Variants in LARS1 observed in about 807,000 individuals in gnomAD.
LARS1 encodes leucyl-tRNA synthetase 1.
In LARS1, 100 loss-of-function variants were observed where a neutral mutation model predicts 162.8. That is an observed-to-expected ratio of 0.61 (90% CI 0.52 to 0.73). The LOEUF (loss-of-function observed/expected upper bound fraction) is 0.73. LARS1 is among the 30% of genes least tolerant of loss of function. LARS1 has a pLI of 0.00. For synonymous variants in LARS1, 457 were observed against 462.8 expected (o/e 0.99, Z 0.16); for missense variants, 1,258 against 1,408.9 (o/e 0.89, Z 1.71).
At chr5:146,139,867 C>T (rs1338514414) in intron 21 of LARS1, among the ~76,000 whole-genome samples, 7 of 88,824 alleles carry the variant, frequency 7.9e-5, no homozygotes, top group African/African-American at 2.9e-4. Flanking sequence ...AGCGAGACTC[C>T]GTCTCAAAAA....
chr5:146,160,663 T>A (rs772911168), intron 6 of LARS1, among the ~76,000 whole-genome samples, 177 bp from the exon 7 acceptor site: 1 of 146,414 alleles, frequency 6.8e-6, no homozygotes, highest in African/African-American at 2.4e-5. Context: ...TTACTTAAAG[T>A]ATATTTTTAA....
intron 27 of LARS1, 118 bp from the exon 28 acceptor site, chr5:146,126,663 A>G (rs956171814): frequency 4.6e-6 from 3 of 646,998 alleles, no homozygotes; most frequent in African/African-American, 1.8e-5. Flanking sequence ...GAACAGCAGA[A>G]AAGTGTCCAG....
Position 146,151,963 on chromosome 5 carries a change from C to A in LARS1, c.1324G>T (p.Ala442Ser), listed in dbSNP as rs771197433. ...TTCAACTCATCACAAATGGTTACAG[C>A]AGAAAGATTTCCAAAACCTGGGATT... ...IEIPGFGNLSAVTICDELKIQ... is the reference protein window; with the variant it reads ...IEIPGFGNLSSVTICDELKIQ... The change falls in exon 14 of 32, where the codon GCT (alanine) becomes TCT (serine). Residue 442 changes from alanine (A) to serine (S), a missense_variant. Transcript: ENST00000394434. 1 of 1,614,128 alleles carries A rather than the reference C, an allele frequency of 6.2e-7. No individual in the cohort carries two copies. The highest frequency in any genetic ancestry group is 8.5e-7 in the Non-Finnish European group (1 of 1,180,032).
In LARS1 at chr5:146,182,588, G is replaced by C; in HGVS notation, c.-95C>G. On this transcript the variant is annotated 5_prime_UTR_variant, in exon 1 of 32. Transcript: ENST00000394434. ...TTTCCCCTCCCTCTCGGGGATGCCA[G>C]GCCTCCCACGAAACTAAAGCACACG... The C allele has an allele frequency of 6.5e-7, 1 of 1,532,670 alleles. No homozygotes were observed. Among genetic ancestry groups the C allele is most frequent in the Non-Finnish European group, 9.0e-7 (1 of 1,106,234 alleles). The allele number at this position is 1,532,670 out of a possible 1,614,324, so 94.9% of individuals were successfully genotyped here. A position where few individuals can be genotyped will look rare whatever the true frequency, so the allele number is the denominator to read the frequency against.
In LARS1 at chr5:146,151,850, A is replaced by G; in HGVS notation, c.1425+12T>C. 2 of 1,605,796 alleles carry G rather than the reference A, an allele frequency of 1.2e-6. No individual in the cohort carries two copies. The highest frequency in any genetic ancestry group is 1.7e-6 in the Non-Finnish European group (2 of 1,176,270). On this transcript the variant is annotated intron_variant, in intron 14 of 31. Transcript: ENST00000394434. ...GTAAAGCAAATAAAAACTAAAAAAAATTATTACTTACACCCTCATAAAATC... is the reference window on the plus strand; with the variant it reads ...GTAAAGCAAATAAAAACTAAAAAAAGTTATTACTTACACCCTCATAAAATC...
intron 28 of LARS1, 74 bp downstream of exon 28, chr5:146,126,361 C>G: frequency 1.2e-6 from 1 of 858,442 alleles, no homozygotes. Context: ...ATGTCCAAGG[C>G]TTTTCCCCAT....
chr5:146,174,452 A>C, intron 2 of LARS1, among the ~76,000 whole-genome samples: 1 of 103,390 alleles, frequency 9.7e-6, no homozygotes. Context: ...TCTCAAATAT[A>C]TATATATATA....
At chr5:146,120,778 A>T (rs190317061) in intron 30 of LARS1, among the ~76,000 whole-genome samples, 8 of 152,316 alleles carry the variant, frequency 5.3e-5, no homozygotes, top group African/African-American at 1.9e-4. Context: ...CATTCACTGA[A>T]TCTCTACTAT....
rs754428997 is a variant in LARS1, at chr5:146,157,501, T to A, written c.967A>T (p.Ile323Leu). Residue 323 changes from isoleucine (I) to leucine (L), a missense_variant, in exon 10 of 32, where the codon ATA (isoleucine) becomes TTA (leucine). By Grantham distance (5) the Ile-to-Leu change is conservative. Coordinates refer to ENST00000394434, the MANE Select transcript of LARS1 (RefSeq NM_020117.11). Reference protein sequence around the residue: ...YIGFETVNGDIFICTQKAARN... With the variant: ...YIGFETVNGDLFICTQKAARN... The stretch of plus-strand genomic sequence containing the variant: ...GCTGCTTTTTGGGTACAGATGAATA[T>A]ATCACCATTCACCGTCTCAAATCCA... 1 of 1,613,990 alleles carries A rather than the reference T, an allele frequency of 6.2e-7. No homozygotes were observed. Among genetic ancestry groups the A allele is most frequent in the South Asian group, 1.1e-5 (1 of 91,084 alleles).
chr5:146,140,698 G>A (rs527537651), intron 20 of LARS1, among the ~76,000 whole-genome samples: 72 of 152,228 alleles, frequency 4.7e-4, no homozygotes, highest in Non-Finnish European at 8.7e-4. Flanking sequence ...CCCAGCTGCT[G>A]GGGAGGCTGA....
chr5:146,151,638 A>G (rs1030615347), intron 14 of LARS1, among the ~76,000 whole-genome samples: 3 of 152,088 alleles, frequency 2.0e-5, no homozygotes, highest in Admixed American at 6.5e-5. Flanking sequence ...CACTCCATAG[A>G]GATTCCTAGA....
intron 6 of LARS1, among the ~76,000 whole-genome samples, chr5:146,161,959 T>C (rs562861939): frequency 6.3e-4 from 96 of 152,342 alleles, no homozygotes; most frequent in Non-Finnish European, 4.4e-4. Context: ...CATGAGATTA[T>C]AGCAATTCAG....
chr5:146,137,529 C>A (rs946854607), intron 21 of LARS1, among the ~76,000 whole-genome samples: 1 of 152,136 alleles, frequency 6.6e-6, no homozygotes, highest in Non-Finnish European at 1.5e-5. Context: ...GTGATAGTAA[C>A]AGCAGAAGCA....
chr5:146,134,593 G>A (rs927514227), intron 22 of LARS1, among the ~76,000 whole-genome samples: 8 of 152,086 alleles, frequency 5.3e-5, no homozygotes, highest in Admixed American at 6.5e-5. Context: ...TAGGACTGAG[G>A]CCAGACAAAA....
At chr5:146,179,776 A>AT (rs1754754401) in intron 1 of LARS1, 7 of 292,612 alleles carry the variant, frequency 2.4e-5, no homozygotes, top group Non-Finnish European at 4.3e-5. Context: ...TAGTTTTTGT[A>AT]TTTTTTTGTA....
rs2126585761 is a variant in LARS1 at position 146,172,716 on chromosome 5, C to T, written c.184G>A (p.Gly62Arg). 1 of 1,583,966 alleles carries T rather than the reference C, an allele frequency of 6.3e-7. No homozygotes were observed. Among genetic ancestry groups the T allele is most frequent in the Non-Finnish European group, 8.6e-7 (1 of 1,166,418 alleles). Residue 62 changes from glycine (G) to arginine (R), a missense_variant, in exon 3 of 32, where the codon GGA (glycine) becomes AGA (arginine). Coordinates refer to ENST00000394434, the MANE Select transcript of LARS1 (RefSeq NM_020117.11). ...YPYMNGRLHLGHTFSLSKCEF... is the reference protein window; with the variant it reads ...YPYMNGRLHLRHTFSLSKCEF... ...CATTTGGATAAAGAAAACGTGTGTCCCAAATGAAGGCGTCCATTCATATAT... is the reference window on the plus strand; with the variant it reads ...CATTTGGATAAAGAAAACGTGTGTCTCAAATGAAGGCGTCCATTCATATAT...
rs1338237054 is a variant in LARS1, at chr5:146,160,434, G to A, written c.647C>T (p.Ser216Leu). The A allele has an allele frequency of 6.3e-7, 1 of 1,583,854 alleles. No homozygotes were observed. Among genetic ancestry groups the A allele is most frequent in the Non-Finnish European group, 8.6e-7 (1 of 1,167,490 alleles). Reference sequence around the variant, plus strand: ...TGTTAAAAATTGCCATCTGACAAATGAATCATAGTAAGGATTAACATCAGT... The same window carrying A: ...TGTTAAAAATTGCCATCTGACAAATAAATCATAGTAAGGATTAACATCAGT... ...ITTDVNPYYD[S>L]FVRWQFLTLR... Residue 216 changes from serine (S) to leucine (L), a missense_variant, in exon 7 of 32, where the codon TCA becomes TTA. Physicochemically the swap from Ser to Leu is moderately radical, Grantham distance 145 (BLOSUM62 -2). Coordinates refer to ENST00000394434, the MANE Select transcript of LARS1 (RefSeq NM_020117.11).
intron 13 of LARS1, among the ~76,000 whole-genome samples, chr5:146,152,624 C>T (rs559870893): frequency 7.2e-5 from 11 of 152,282 alleles, no homozygotes; most frequent in African/African-American, 2.6e-4. Context: ...AATTGTCTTC[C>T]ACAAAACCAG....
At position 146,144,358 on chromosome 5, in the gene LARS1, G is replaced by C; in HGVS notation, c.1656-9C>G. Reference sequence around the variant, plus strand: ...TGGTCTCCTCACAGAATCTAGAAAAGAGCAAAAGACAAAGTGTATCTTTAC... The same window carrying C: ...TGGTCTCCTCACAGAATCTAGAAAACAGCAAAAGACAAAGTGTATCTTTAC... On this transcript the variant is annotated splice_polypyrimidine_tract_variant and intron_variant, in intron 17 of 31. Transcript: ENST00000394434. The C allele has an allele frequency of 6.2e-7, 1 of 1,609,668 alleles. No homozygotes were observed. The highest frequency in any genetic ancestry group is 8.5e-7 in the Non-Finnish European group (1 of 1,178,452).
Sources: allele counts gnomAD v4.1 joint callset (sites outside exome capture counted in the v4.1 genomes callset), GRCh38; gene constraint gnomAD v4.1.1; transcripts MANE v1.5; gene names NCBI Gene and HGNC (gene_info 2026-07-23, HGNC 2026-07-21).